Variants in AGBL1 observed in about 807,000 individuals in gnomAD.
AGBL1 encodes AGBL carboxypeptidase 1, also known as cytosolic carboxypeptidase 4.
In AGBL1, 130 loss-of-function variants were observed where a neutral mutation model predicts 118.9. That is an observed-to-expected ratio of 1.09 (90% CI 0.95 to 1.26). AGBL1 has a LOEUF of 1.26. Ranked by LOEUF, AGBL1 falls within the 50% of genes most tolerant of loss-of-function variation. The probability of loss-of-function intolerance (pLI) is 0.00; values close to 1 mark genes in which losing one functional copy is unlikely to be tolerated. For missense variants in AGBL1, 1,584 were observed against 1,298.1 expected (o/e 1.22, Z -3.38); for synonymous variants, 555 against 478.9 (o/e 1.16, Z -2.08).
At chr15:86,536,236 C>T (rs918354915) in intron 19 of AGBL1, among the ~76,000 whole-genome samples, 1 of 152,196 alleles carries the variant, frequency 6.6e-6, no homozygotes, top group Non-Finnish European at 1.5e-5. Context: ...AAGCAAAGGG[C>T]ATTTTTTCTC....
intron 5 of AGBL1, among the ~76,000 whole-genome samples, chr15:86,197,704 T>C (rs1296925951): frequency 6.6e-6 from 1 of 152,164 alleles, no homozygotes; most frequent in Admixed American, 6.5e-5. Context: ...TGAGGAAGCA[T>C]GTTCTAAAGA....
chr15:86,220,302 G>C (rs751038363), intron 5 of AGBL1, among the ~76,000 whole-genome samples: 1 of 152,052 alleles, frequency 6.6e-6, no homozygotes, highest in African/African-American at 2.4e-5. Context: ...TTTAACCTTT[G>C]TGAACTTCAT....
At chr15:86,331,996 C>A (rs2080277571) in intron 17 of AGBL1, among the ~76,000 whole-genome samples, 2 of 152,118 alleles carry the variant, frequency 1.3e-5, no homozygotes, top group Admixed American at 6.5e-5. Context: ...GATAAAAAAC[C>A]AAGACCCATC....
At chr15:86,210,941 C>T (rs1214814611) in intron 5 of AGBL1, among the ~76,000 whole-genome samples, 1 of 152,162 alleles carries the variant, frequency 6.6e-6, no homozygotes, top group East Asian at 1.9e-4. Flanking sequence ...GGTTTCTCCC[C>T]TTCTTTGTGG....
chr15:86,573,154 T>G (rs2084034741), intron 21 of AGBL1, among the ~76,000 whole-genome samples: 1 of 152,208 alleles, frequency 6.6e-6, no homozygotes, highest in Admixed American at 6.5e-5. Flanking sequence ...TGTGACTGGG[T>G]TTATGTATAT....
chr15:86,800,638 A>T (rs2078636651), intron 22 of AGBL1, among the ~76,000 whole-genome samples: 1 of 152,168 alleles, frequency 6.6e-6, no homozygotes, highest in Non-Finnish European at 1.5e-5. Context: ...GACATAATTT[A>T]AAAATTAAAT....
chr15:86,449,001 G>A (rs1228507279), intron 18 of AGBL1, among the ~76,000 whole-genome samples: 2 of 152,172 alleles, frequency 1.3e-5, no homozygotes, highest in Non-Finnish European at 2.9e-5. Context: ...GGCAGTCGAG[G>A]CTACAGGTGC....
chr15:86,822,785 C>A (rs1431762479), intron 22 of AGBL1, among the ~76,000 whole-genome samples: 2 of 152,098 alleles, frequency 1.3e-5, no homozygotes, highest in Non-Finnish European at 2.9e-5. Context: ...CACACCATTA[C>A]CCCTCAGACC....
chr15:86,797,457 CTTG>C (rs2141342475), intron 22 of AGBL1, among the ~76,000 whole-genome samples: 1 of 152,308 alleles, frequency 6.6e-6, no homozygotes, highest in Non-Finnish European at 1.5e-5. Context: ...CATGCCAGAA[CTTG>C]TTATCCTGCA....
chr15:86,833,028 G>C (rs2079126680), intron 22 of AGBL1, among the ~76,000 whole-genome samples: 1 of 152,132 alleles, frequency 6.6e-6, no homozygotes, highest in South Asian at 2.1e-4. Flanking sequence ...AGGCAAGGGA[G>C]AGCATTTGCA....
chr15:86,943,220 C>G (rs1356740284), intron 23 of AGBL1, among the ~76,000 whole-genome samples: 1 of 152,146 alleles, frequency 6.6e-6, no homozygotes, highest in Non-Finnish European at 1.5e-5. Context: ...AACTACCTAT[C>G]TGGAACACAT....
At chr15:86,575,969 T>C (rs2084085803) in intron 21 of AGBL1, among the ~76,000 whole-genome samples, 1 of 152,152 alleles carries the variant, frequency 6.6e-6, no homozygotes, top group African/African-American at 2.4e-5. Context: ...TACAAGAAAG[T>C]CATTGCTTGT....
At chr15:86,232,839 G>A (rs1471207228) in intron 6 of AGBL1, among the ~76,000 whole-genome samples, 3 of 152,260 alleles carry the variant, frequency 2.0e-5, no homozygotes, top group African/African-American at 7.2e-5. Flanking sequence ...CCCTCATGCC[G>A]TGTCATAGTA....
Position 86,738,972 on chromosome 15 carries a change from T to TA in AGBL1, c.3158+64546dup, listed in dbSNP as rs200181217. On this transcript the variant is annotated intron_variant, in intron 22 of 22. Transcript: ENST00000614907. ...AGGAAACAAAATGAGACCTCATCTCTAAAAAAAAAATAAAAATAAAAAAAT... is the reference window on the plus strand; with the variant it reads ...AGGAAACAAAATGAGACCTCATCTCTAAAAAAAAAAATAAAAATAAAAAAAT... Among the ~76,000 whole-genome samples the TA allele has an allele frequency of 3.7e-3, 551 of 148,216 alleles. 1 individual carries two copies. Among genetic ancestry groups the TA allele is most frequent in the African/African-American group, 0.01 (404 of 40,400 alleles).
intron 18 of AGBL1, among the ~76,000 whole-genome samples, chr15:86,452,304 C>T (rs1355739822): frequency 6.6e-6 from 1 of 152,182 alleles, no homozygotes; most frequent in African/African-American, 2.4e-5. Context: ...ATTCCACAAT[C>T]TCTTTCCAGT....
At chr15:86,176,987 TG>T (rs1396402780) in intron 5 of AGBL1, among the ~76,000 whole-genome samples, 1 of 152,138 alleles carries the variant, frequency 6.6e-6, no homozygotes, top group African/African-American at 2.4e-5. Flanking sequence ...TCTCCTTCCA[TG>T]CCTCAGAGAT....
chr15:86,125,861 G>A (rs1898396128), intron 1 of AGBL1, among the ~76,000 whole-genome samples: 1 of 152,206 alleles, frequency 6.6e-6, no homozygotes, highest in Non-Finnish European at 1.5e-5. Context: ...TGGGAGCATT[G>A]AACTAAGAGA....
chr15:86,348,987 G>T (rs1006747061), intron 17 of AGBL1, among the ~76,000 whole-genome samples: 1 of 152,104 alleles, frequency 6.6e-6, no homozygotes, highest in Non-Finnish European at 1.5e-5. Flanking sequence ...AAAGACTGTT[G>T]TCCTTTTAAG....
chr15:86,711,026 C>G (rs576964140), intron 22 of AGBL1, among the ~76,000 whole-genome samples: 2 of 152,284 alleles, frequency 1.3e-5, no homozygotes, highest in South Asian at 2.1e-4. Context: ...CTCACTAGAT[C>G]TAGACCCTAG....
Sources: gnomAD v4.1 joint callset for allele counts (sites outside exome capture counted in the v4.1 genomes callset) on GRCh38, gnomAD v4.1.1 for gene constraint, MANE v1.5 for transcripts, NCBI Gene and HGNC (gene_info 2026-07-23, HGNC 2026-07-21) for gene names.